LRMDA: variants seen among roughly 807,000 people sequenced by gnomAD.
LRMDA encodes leucine-rich melanocyte differentiation-associated protein.
LRMDA carries 18 observed loss-of-function variants against 29.8 expected under a neutral mutation model. The observed-to-expected ratio is 0.60, with a 90% CI of 0.42 to 0.90. LRMDA has a LOEUF of 0.90. Among genes scored for constraint, LRMDA ranks in the 40% least tolerant of loss-of-function variants. LRMDA has a pLI of 0.00. For missense variants in LRMDA, 273 were observed against 273.9 expected, an observed-to-expected ratio of 1.00 and a Z score of 0.02; for synonymous variants, 125 against 109.4, an observed-to-expected ratio of 1.14 and a Z score of -0.89.
chr10:75,543,952 T>A (rs957895285), intron 2 of LRMDA, among the ~76,000 whole-genome samples: 1 of 152,212 alleles, frequency 6.6e-6, no homozygotes, highest in Non-Finnish European at 1.5e-5. Flanking sequence ...GCTTCCTTGC[T>A]GTGGCTTGTG....
At chr10:76,008,908 A>G (rs1224543548) in intron 2 of LRMDA, among the ~76,000 whole-genome samples, 1 of 152,236 alleles carries the variant, frequency 6.6e-6, no homozygotes, top group Non-Finnish European at 1.5e-5. Flanking sequence ...AGATTTAGTA[A>G]TGATTTAGCC....
chr10:76,372,019 C>T (rs1234135759), intron 6 of LRMDA, among the ~76,000 whole-genome samples: 4 of 152,148 alleles, frequency 2.6e-5, no homozygotes, highest in Non-Finnish European at 5.9e-5. Flanking sequence ...TTACCTCCTC[C>T]CTGGAAATAT....
At position 76,036,106 on chromosome 10, in the gene LRMDA, T is replaced by A; in HGVS notation, c.230T>A (p.Leu77Gln). 3 of 1,614,032 alleles carry A rather than the reference T, an allele frequency of 1.9e-6. No homozygotes were observed. Among genetic ancestry groups the A allele is most frequent in the Non-Finnish European group, 2.5e-6 (3 of 1,180,020 alleles). The change falls in exon 3 of 7, where the codon CTG becomes CAG. Residue 77 changes from leucine to glutamine, a missense_variant. Physicochemically the swap from Leu to Gln is moderately radical, Grantham distance 113. Transcript: ENST00000611255. ...CTTGTGTTGCCAGGGTTACCCAGAC[T>A]GCATACCTTAACCCTCAACAAGAAC... ...DDLVLPGLPR[L>Q]HTLTLNKNRI... is the part of the protein sequence containing the mutation.
intron 2 of LRMDA, among the ~76,000 whole-genome samples, chr10:75,915,459 TA>T (rs980565261): frequency 9.2e-5 from 14 of 151,704 alleles, no homozygotes; most frequent in Admixed American, 2.0e-4. Flanking sequence ...ATTTATTAAT[TA>T]AATTATTTAT....
At chr10:75,853,871 G>A (rs531477830) in intron 2 of LRMDA, among the ~76,000 whole-genome samples, 2 of 152,236 alleles carry the variant, frequency 1.3e-5, no homozygotes, top group East Asian at 3.9e-4. Flanking sequence ...ACCCATAGTA[G>A]TAGAATTCTG....
At chr10:75,566,484 A>G (rs1840373679) in intron 2 of LRMDA, among the ~76,000 whole-genome samples, 1 of 152,196 alleles carries the variant, frequency 6.6e-6, no homozygotes, top group Non-Finnish European at 1.5e-5. Flanking sequence ...ATAAAAGTCT[A>G]AGAAGCACTG....
At chr10:76,300,746 C>T (rs146903990) in intron 5 of LRMDA, among the ~76,000 whole-genome samples, 45 of 152,330 alleles carry the variant, frequency 3.0e-4, no homozygotes, top group African/African-American at 1.1e-3. Flanking sequence ...CAACAGTTTA[C>T]TCCTCTCAAC....
At chr10:76,273,313 T>TA (rs1840090530) in intron 5 of LRMDA, among the ~76,000 whole-genome samples, 1 of 152,176 alleles carries the variant, frequency 6.6e-6, no homozygotes, top group Non-Finnish European at 1.5e-5. Flanking sequence ...GAATTTTGTG[T>TA]AAATATTTAG....
chr10:76,342,653 T>TA, intron 6 of LRMDA, among the ~76,000 whole-genome samples: 2 of 151,512 alleles, frequency 1.3e-5, no homozygotes, highest in East Asian at 1.9e-4. Context: ...ATATACAAAA[T>TA]AAAAAAATAA....
intron 2 of LRMDA, among the ~76,000 whole-genome samples, chr10:75,889,422 G>C (rs1845445680): frequency 1.3e-5 from 2 of 152,200 alleles, no homozygotes; most frequent in African/African-American, 2.4e-5. Context: ...TTGCTTTTTG[G>C]AGTAGAGATT....
intron 2 of LRMDA, among the ~76,000 whole-genome samples, chr10:75,593,001 C>G (rs554094097): frequency 6.6e-6 from 1 of 152,248 alleles, no homozygotes; most frequent in East Asian, 1.9e-4. Flanking sequence ...TCCACCCCCT[C>G]CTCCTCTCTG....
At chr10:76,263,580 C>G (rs778691624) in intron 5 of LRMDA, among the ~76,000 whole-genome samples, 1 of 152,102 alleles carries the variant, frequency 6.6e-6, no homozygotes, top group African/African-American at 2.4e-5. Flanking sequence ...GAAGTTTTGT[C>G]CCCTTGGACT....
At chr10:75,784,822 T>C (rs1416914207) in intron 2 of LRMDA, among the ~76,000 whole-genome samples, 1 of 152,004 alleles carries the variant, frequency 6.6e-6, no homozygotes, top group African/African-American at 2.4e-5. Flanking sequence ...TGGAGTGAAA[T>C]ACTTGTTTCA....
At chr10:75,912,576 A>T (rs931862436) in intron 2 of LRMDA, among the ~76,000 whole-genome samples, 6 of 152,144 alleles carry the variant, frequency 3.9e-5, no homozygotes, top group Admixed American at 2.0e-4. Flanking sequence ...TAAATGTCTG[A>T]TATGTCTGTA....
chr10:75,697,097 A>G (rs1198971699), intron 2 of LRMDA, among the ~76,000 whole-genome samples: 1 of 152,314 alleles, frequency 6.6e-6, no homozygotes, highest in South Asian at 2.1e-4. Flanking sequence ...GCCATGAGGC[A>G]GTGAGGAGAT....
At chr10:76,123,347 A>G (rs1228640787) in intron 5 of LRMDA, among the ~76,000 whole-genome samples, 2 of 151,552 alleles carry the variant, frequency 1.3e-5, no homozygotes, top group Non-Finnish European at 2.9e-5. Flanking sequence ...TCTACCAAAA[A>G]AAAAAAAAAA....
At chr10:76,029,392 G>C (rs1163862269) in intron 2 of LRMDA, among the ~76,000 whole-genome samples, 1 of 152,178 alleles carries the variant, frequency 6.6e-6, no homozygotes, top group Non-Finnish European at 1.5e-5. Flanking sequence ...AGCAGGTATG[G>C]ATATCATGAA....
intron 2 of LRMDA, among the ~76,000 whole-genome samples, chr10:75,588,419 A>G (rs998621714): frequency 1.3e-5 from 2 of 152,172 alleles, no homozygotes; most frequent in African/African-American, 2.4e-5. Context: ...TGTATATGTT[A>G]AGTTGTGTAA....
intron 5 of LRMDA, among the ~76,000 whole-genome samples, chr10:76,131,810 A>G (rs912979620): frequency 1.3e-5 from 2 of 152,170 alleles, no homozygotes; most frequent in African/African-American, 4.8e-5. Flanking sequence ...ACTTTATATC[A>G]TAGTAGTTTT....
Sources: allele counts gnomAD v4.1 joint callset (sites outside exome capture counted in the v4.1 genomes callset), GRCh38; gene constraint gnomAD v4.1.1; transcripts MANE v1.5; gene names NCBI Gene and HGNC (gene_info 2026-07-23, HGNC 2026-07-21).